The following SLC30A4 variants were observed in gnomAD, a reference collection of about 807,000 sequenced individuals.
The protein encoded by SLC30A4 is solute carrier family 30 member 4.
In SLC30A4, 20 loss-of-function variants were observed where a neutral mutation model predicts 41.7. The observed-to-expected ratio is 0.48, with a 90% CI of 0.34 to 0.70. SLC30A4 has a LOEUF of 0.70. SLC30A4 is among the 30% of genes least tolerant of loss of function. The probability of loss-of-function intolerance (pLI) is 0.01; values close to 1 mark genes in which losing one functional copy is unlikely to be tolerated. For missense variants in SLC30A4, 441 were observed against 529.3 expected, an observed-to-expected ratio of 0.83 and a Z score of 1.64; for synonymous variants, 181 against 195.9, an observed-to-expected ratio of 0.92 and a Z score of 0.64.
At chr15:45,491,417 A>T (rs1891807682) in intron 3 of SLC30A4, among the ~76,000 whole-genome samples, 1 of 152,232 alleles carries the variant, frequency 6.6e-6, no homozygotes, top group Non-Finnish European at 1.5e-5. Context: ...CTTGATAGAA[A>T]AAAGTACACT....
At chr15:45,512,662 A>G (rs1892334382) in intron 2 of SLC30A4, among the ~76,000 whole-genome samples, 1 of 152,182 alleles carries the variant, frequency 6.6e-6, no homozygotes, top group Admixed American at 6.6e-5. Flanking sequence ...GAATCTCAGA[A>G]AGTCTGAATG....
chr15:45,494,357 T>G (rs1047290154), intron 3 of SLC30A4, among the ~76,000 whole-genome samples: 7 of 152,056 alleles, frequency 4.6e-5, no homozygotes, highest in African/African-American at 1.7e-4. Context: ...CTTGTCAAAG[T>G]TATAACTGCT....
rs762963613 is a variant in SLC30A4 at position 45,486,672 on chromosome 15, T to A, written c.1074A>T (p.Glu358Asp). The change falls in exon 7 of 8, where the codon GAA (glutamate) becomes GAT (aspartate). Residue 358 changes from glutamate (E) to aspartate (D), a missense_variant. Glu to Asp is a conservative substitution (Grantham distance 45). Transcript: ENST00000261867. ...LMKIEDVYSVEDLNIWSLTSG... is the reference protein window; with the variant it reads ...LMKIEDVYSVDDLNIWSLTSG... ...AAGTGAGAGACCAGATATTTAAATC[T>A]TCGACTGAATATACATCTTCTATTT... 1 of 1,603,988 alleles carries A rather than the reference T, an allele frequency of 6.2e-7. No individual in the cohort carries two copies. The highest frequency in any genetic ancestry group is 1.1e-5 in the South Asian group (1 of 89,786).
intron 3 of SLC30A4, among the ~76,000 whole-genome samples, chr15:45,494,798 C>G (rs1891879366): frequency 6.6e-6 from 1 of 152,258 alleles, no homozygotes; most frequent in Non-Finnish European, 1.5e-5. Flanking sequence ...GAACTTTAAC[C>G]AAGTACCAAG....
chr15:45,518,788 C>A (rs1892576568), intron 2 of SLC30A4, among the ~76,000 whole-genome samples: 1 of 152,134 alleles, frequency 6.6e-6, no homozygotes, highest in Non-Finnish European at 1.5e-5. Context: ...TGGTCTTGAA[C>A]TCCTGAGCTC....
chr15:45,500,716 CTT>C (rs1393505231), intron 3 of SLC30A4, among the ~76,000 whole-genome samples: 4 of 151,532 alleles, frequency 2.6e-5, no homozygotes, highest in African/African-American at 4.8e-5. Flanking sequence ...GAGTTTCGCT[CTT>C]GTTGCCCAGG....
At chr15:45,503,713 G>A (rs543144049) in intron 3 of SLC30A4, among the ~76,000 whole-genome samples, 131 of 152,206 alleles carry the variant, frequency 8.6e-4, no homozygotes, top group African/African-American at 3.1e-3. Context: ...GTGGGAGGCC[G>A]AGGTGGGCAG....
At chr15:45,486,886 A>C in intron 6 of SLC30A4, 141 bp from the exon 7 acceptor site, 1 of 525,380 alleles carries the variant, frequency 1.9e-6, no homozygotes. Context: ...TAATACTTCA[A>C]GATAAACCAT....
At chr15:45,501,104 G>A (rs951509713) in intron 3 of SLC30A4, among the ~76,000 whole-genome samples, 4 of 150,634 alleles carry the variant, frequency 2.7e-5, no homozygotes, top group Non-Finnish European at 4.4e-5. Context: ...TCCGGAGATC[G>A]AGACCATCCT....
intron 3 of SLC30A4, among the ~76,000 whole-genome samples, chr15:45,499,551 CAGA>C (rs943586900): frequency 1.2e-4 from 19 of 152,124 alleles, no homozygotes; most frequent in African/African-American, 4.6e-4. Flanking sequence ...ACCAGAAGGA[CAGA>C]AGGATAGAAG....
At chr15:45,504,000 TA>T (rs1186754049) in intron 3 of SLC30A4, among the ~76,000 whole-genome samples, 2 of 152,092 alleles carry the variant, frequency 1.3e-5, no homozygotes, top group African/African-American at 4.8e-5. Flanking sequence ...AAAAAATAGC[TA>T]ATCTTTGGGT....
chr15:45,514,653 T>C (rs1299223039), intron 2 of SLC30A4, among the ~76,000 whole-genome samples: 1 of 151,774 alleles, frequency 6.6e-6, no homozygotes. Context: ...TAGCTGGGAT[T>C]GCAGGCATGC....
chr15:45,499,369 G>A (rs189154151), intron 3 of SLC30A4, among the ~76,000 whole-genome samples: 1 of 152,084 alleles, frequency 6.6e-6, no homozygotes, highest in Non-Finnish European at 1.5e-5. Flanking sequence ...ACTGTGTCTG[G>A]CTCAGGCTGA....
In SLC30A4 at chr15:45,490,803, G is replaced by C. The variant is rs776358850; in HGVS notation, c.617C>G (p.Thr206Ser). 1.2e-6 allele frequency: 2 copies of C among 1,610,444 alleles called. No homozygotes were observed. The highest frequency in any genetic ancestry group is 2.7e-5 in the African/African-American group (2 of 74,830). Reference protein sequence around the residue: ...GFLLYEAVQRTIHMNYEINGD... With the variant: ...GFLLYEAVQRSIHMNYEINGD... ...ATTTATTTCATAGTTCATATGGATA[G>C]TTCTTTGCACAGCTTCATATAAGAG... is the stretch of plus-strand genomic sequence containing the variant. The change falls in exon 4 of 8, where the codon ACT (threonine) becomes AGT (serine). Residue 206 changes from threonine (T) to serine (S), a missense_variant. This residue lies in a region of SLC30A4 where 312 missense variants were observed against 341.9 expected (regional missense o/e 0.91). Coordinates refer to ENST00000261867, the MANE Select transcript of SLC30A4 (RefSeq NM_013309.6).
At position 45,521,953 on chromosome 15, in the gene SLC30A4, A is replaced by G. The variant is rs2140868146; in HGVS notation, c.391+11T>C. On this transcript the variant is annotated intron_variant, in intron 2 of 7. Transcript: ENST00000261867. Reference sequence around the variant, plus strand: ...AAGGTAAACGGAAAGTGAGTTGGCAACACAACTCACCTACAAGTTCTCCAA... The same window carrying G: ...AAGGTAAACGGAAAGTGAGTTGGCAGCACAACTCACCTACAAGTTCTCCAA... The G allele has an allele frequency of 6.2e-7, 1 of 1,606,966 alleles. No homozygotes were observed. Among genetic ancestry groups the G allele is most frequent in the South Asian group, 1.1e-5 (1 of 90,636 alleles).
chr15:45,497,823 A>G (rs1891938319), intron 3 of SLC30A4, among the ~76,000 whole-genome samples: 1 of 152,052 alleles, frequency 6.6e-6, no homozygotes, highest in Non-Finnish European at 1.5e-5. Context: ...TCTTCCTAGG[A>G]TTTATTACAA....
chr15:45,500,614 GTCTATCTATCTATCTATCTATCTATCTA>G (rs10593774), intron 3 of SLC30A4, among the ~76,000 whole-genome samples: 5 of 149,626 alleles, frequency 3.3e-5, no homozygotes, highest in African/African-American at 1.2e-4. Context: ...TTAAGGGTCT[GTCTATCTATCTATCTATCTATCTATCTA>G]TCTATCTATC....
chr15:45,505,020 C>T (rs937319049), intron 3 of SLC30A4, among the ~76,000 whole-genome samples: 2 of 151,970 alleles, frequency 1.3e-5, no homozygotes, highest in African/African-American at 4.8e-5. Flanking sequence ...CACATGAGGT[C>T]GGGAGTTCGA....
At chr15:45,518,563 A>AT (rs930990089) in intron 2 of SLC30A4, among the ~76,000 whole-genome samples, 1 of 147,974 alleles carries the variant, frequency 6.8e-6, no homozygotes, top group East Asian at 2.0e-4. Context: ...TAGTTACTTC[A>AT]TTTTTTTTCC....
Sources: allele counts gnomAD v4.1 joint callset (sites outside exome capture counted in the v4.1 genomes callset), GRCh38; gene constraint gnomAD v4.1.1; regional missense constraint gnomAD v4.1.1; transcripts MANE v1.5; gene names NCBI Gene and HGNC (gene_info 2026-07-23, HGNC 2026-07-21).